POFUT3: variants seen among roughly 807,000 people sequenced by gnomAD.
The protein encoded by POFUT3 is protein O-fucosyltransferase 3, also known as GDP-fucose protein O-fucosyltransferase 3.
At chr8:33,448,502 G>T in the POFUT3 span, among the ~76,000 whole-genome samples, 8 of 152,036 alleles carry the variant, frequency 5.3e-5, no homozygotes, top group South Asian at 2.1e-4. Flanking sequence ...GTACACCTTG[G>T]TTCTCCACTG....
At chr8:33,406,664 G>A in the POFUT3 span, among the ~76,000 whole-genome samples, 4,460 of 151,598 alleles carry the variant, frequency 0.029, 103 homozygotes, top group Non-Finnish European at 0.045. Context: ...GAACTCCTGC[G>A]CTCAAACAAT....
chr8:33,364,428 C>A, the POFUT3 span, among the ~76,000 whole-genome samples: 1 of 152,176 alleles, frequency 6.6e-6, no homozygotes, highest in Non-Finnish European at 1.5e-5. Context: ...CCAGGGCAAT[C>A]GGGCAAGAGA....
chr8:33,362,881 G>T, the POFUT3 span, among the ~76,000 whole-genome samples: 1 of 152,060 alleles, frequency 6.6e-6, no homozygotes, highest in South Asian at 2.1e-4. Flanking sequence ...AGGTTAACAA[G>T]GATATCCAGG....
chr8:33,355,962 A>G, the POFUT3 span, among the ~76,000 whole-genome samples: 15 of 152,014 alleles, frequency 9.9e-5, no homozygotes, highest in African/African-American at 3.1e-4. Flanking sequence ...GAGAATGATG[A>G]TTTCCAATTT....
the POFUT3 span, among the ~76,000 whole-genome samples, chr8:33,320,634 T>C: frequency 6.6e-6 from 1 of 152,146 alleles, no homozygotes; most frequent in East Asian, 1.9e-4. Context: ...TGTGACTATC[T>C]GAAGCTTAAC....
chr8:33,414,372 C>T, the POFUT3 span, among the ~76,000 whole-genome samples: 3 of 152,128 alleles, frequency 2.0e-5, no homozygotes, highest in Admixed American at 2.0e-4. Context: ...TCATTCATTC[C>T]TCCTAAATAT....
the POFUT3 span, among the ~76,000 whole-genome samples, chr8:33,335,582 G>T: frequency 2.0e-5 from 3 of 152,036 alleles, no homozygotes; most frequent in South Asian, 4.2e-4. Flanking sequence ...CTAATGTAGG[G>T]GTTAGGGGTG....
the POFUT3 span, among the ~76,000 whole-genome samples, chr8:33,357,774 C>A: frequency 6.6e-6 from 1 of 152,112 alleles, no homozygotes; most frequent in Non-Finnish European, 1.5e-5. Flanking sequence ...CCACCCCAGA[C>A]TCTGTTTTCC....
chr8:33,310,268 A>G, the POFUT3 span, among the ~76,000 whole-genome samples: 2 of 113,074 alleles, frequency 1.8e-5, no homozygotes, highest in African/African-American at 4.2e-5. Context: ...CAAAAAAAAG[A>G]AGTTTTTTAC....
the POFUT3 span, among the ~76,000 whole-genome samples, chr8:33,309,167 A>AAAAAAAAAT: frequency 1.9e-5 from 1 of 53,690 alleles, no homozygotes. Flanking sequence ...AAAAAAAAAA[A>AAAAAAAAAT]ATATATATAT....
chr8:33,467,345 T>A, the POFUT3 span, among the ~76,000 whole-genome samples: 2 of 149,342 alleles, frequency 1.3e-5, no homozygotes, highest in Non-Finnish European at 3.0e-5. Flanking sequence ...ATTACAGAAC[T>A]GAAGGCGATG....
chr8:33,351,987 C>A, the POFUT3 span, among the ~76,000 whole-genome samples: 2 of 152,190 alleles, frequency 1.3e-5, no homozygotes, highest in African/African-American at 4.8e-5. Context: ...AAATCTTTTG[C>A]TCAAGGTCAT....
At chr8:33,312,536 C>A in the POFUT3 span, among the ~76,000 whole-genome samples, 1 of 152,126 alleles carries the variant, frequency 6.6e-6, no homozygotes, top group African/African-American at 2.4e-5. Context: ...GTTTTACTAA[C>A]AACTTACATG....
the POFUT3 span, among the ~76,000 whole-genome samples, chr8:33,348,880 T>C: frequency 1.1e-4 from 16 of 152,150 alleles, no homozygotes; most frequent in African/African-American, 3.1e-4. Flanking sequence ...CAGAAAGTAT[T>C]TATCCTAGAA....
chr8:33,453,783 T>C, the POFUT3 span, among the ~76,000 whole-genome samples: 2 of 151,846 alleles, frequency 1.3e-5, no homozygotes, highest in Non-Finnish European at 2.9e-5. Flanking sequence ...CCGACTCTAC[T>C]AAAAAATACA....
chr8:33,369,265 C>T, the POFUT3 span, among the ~76,000 whole-genome samples: 1 of 152,230 alleles, frequency 6.6e-6, no homozygotes, highest in African/African-American at 2.4e-5. Flanking sequence ...TATAACTTGA[C>T]CAAGATAATA....
At chr8:33,370,100 G>C in the POFUT3 span, among the ~76,000 whole-genome samples, 1 of 149,098 alleles carries the variant, frequency 6.7e-6, no homozygotes, top group East Asian at 2.0e-4. Flanking sequence ...AGGAGGCCGA[G>C]GTGGGTGGGT....
chr8:33,407,590 T>C, the POFUT3 span, among the ~76,000 whole-genome samples: 1 of 151,324 alleles, frequency 6.6e-6, no homozygotes. Context: ...TTAAAAAAAA[T>C]TTTTTATCTC....
At chr8:33,408,283 C>T in the POFUT3 span, among the ~76,000 whole-genome samples, 1 of 150,908 alleles carries the variant, frequency 6.6e-6, no homozygotes, top group Admixed American at 6.6e-5. Context: ...ATGATCACAC[C>T]AACGCACTCC....
Sources: gnomAD v4.1 joint callset for allele counts (sites outside exome capture counted in the v4.1 genomes callset) on GRCh38, gnomAD v4.1.1 for gene constraint, MANE v1.5 for transcripts, NCBI Gene and HGNC (gene_info 2026-07-23, HGNC 2026-07-21) for gene names.